Variants in URI1 observed in about 807,000 individuals in gnomAD.
URI1 encodes URI1 prefoldin like chaperone, also known as unconventional prefoldin RPB5 interactor 1.
URI1 carries 39 observed loss-of-function variants against 60.2 expected under a neutral mutation model. The observed-to-expected ratio is 0.65, with a 90% CI of 0.50 to 0.85. The LOEUF is 0.85. Among genes scored for constraint, URI1 ranks in the 40% least tolerant of loss-of-function variants. URI1 has a pLI of 0.00. For missense variants in URI1, 691 were observed against 665.9 expected (o/e 1.04, Z -0.42); for synonymous variants, 251 against 236.8 (o/e 1.06, Z -0.55).
chr19:29,942,294 GTC>G lies in URI1; in HGVS notation c.-251_-250del. On this transcript the variant is annotated 5_prime_UTR_variant, in exon 1 of 11. Coordinates refer to ENST00000392271, the MANE Select transcript of URI1 (RefSeq NM_003796.3). ...CTGGCTGGGCCCGCACCGGAGAGGC[GTC>G]TCGGTACCTGGCAGGCGGCCTGCTA... The G allele has an allele frequency of 1.0e-6, 1 of 985,272 alleles. No individual in the cohort carries two copies. The allele number at this position is 985,272 out of a possible 1,614,324, so 61.0% of individuals were successfully genotyped here.
chr19:29,985,253 T>C lies in URI1; in HGVS notation c.183T>C (p.Leu61=), dbSNP rs1384012736. The stretch of plus-strand genomic sequence containing the variant: ...AGGTAGATAATGACTATAATGCCCT[T>C]CGAGAAAGACTCAGCACCTTGCCTG... ...WKKVDNDYNA[L]RERLSTLPDK... Residue 61 remains leucine, a synonymous_variant, in exon 3 of 11, where the codon CTT becomes CTC. Transcript: ENST00000392271. The C allele has an allele frequency of 1.2e-6, 2 of 1,601,908 alleles. No homozygotes were observed. Among genetic ancestry groups the C allele is most frequent in the Non-Finnish European group, 1.7e-6 (2 of 1,173,440 alleles).
chr19:30,007,429 G>A (rs1331922869), intron 6 of URI1, 41 bp from the exon 7 acceptor site: 2 of 1,594,500 alleles, frequency 1.3e-6, no homozygotes, highest in East Asian at 2.3e-5. Flanking sequence ...CCTTTTTTAT[G>A]TTGGCTATTA....
At chr19:29,968,347 A>C (rs1019438062) in intron 1 of URI1, among the ~76,000 whole-genome samples, 1 of 152,064 alleles carries the variant, frequency 6.6e-6, no homozygotes, top group African/African-American at 2.4e-5. Flanking sequence ...CAAAGTAATG[A>C]AATGTTTTTG....
chr19:29,999,058 T>C (rs908346943), intron 4 of URI1, among the ~76,000 whole-genome samples: 2 of 152,168 alleles, frequency 1.3e-5, no homozygotes, highest in Non-Finnish European at 2.9e-5. Flanking sequence ...TTAACTTCAA[T>C]CACATACAGA....
chr19:29,955,167 T>C (rs1442508618), intron 1 of URI1, among the ~76,000 whole-genome samples: 4 of 151,614 alleles, frequency 2.6e-5, no homozygotes, highest in Non-Finnish European at 4.4e-5. Context: ...GGTTTCACTG[T>C]GTTAGCCAGG....
chr19:29,978,643 G>A (rs1312836380), intron 2 of URI1, among the ~76,000 whole-genome samples: 3 of 152,080 alleles, frequency 2.0e-5, no homozygotes, highest in Admixed American at 2.0e-4. Flanking sequence ...TTCTTATTTT[G>A]AGAAATATAA....
chr19:29,927,187 G>C (rs1370683730), intron 1 of URI1, among the ~76,000 whole-genome samples: 1 of 152,026 alleles, frequency 6.6e-6, no homozygotes, highest in African/African-American at 2.4e-5. Context: ...AGTGGTAGCT[G>C]TGGTGGTCTT....
At chr19:29,929,810 A>T (rs1416168620) in intron 1 of URI1, among the ~76,000 whole-genome samples, 1 of 152,120 alleles carries the variant, frequency 6.6e-6, no homozygotes, top group Admixed American at 6.6e-5. Context: ...AAACTCCTAC[A>T]ACTCAATGAC....
chr19:29,930,635 T>C (rs952577951), intron 1 of URI1, among the ~76,000 whole-genome samples: 6 of 152,174 alleles, frequency 3.9e-5, no homozygotes, highest in Non-Finnish European at 7.3e-5. Context: ...GAGGGTTTAT[T>C]TTCTGGGCTC....
intron 4 of URI1, among the ~76,000 whole-genome samples, chr19:29,987,018 T>C (rs1225465023): frequency 6.6e-6 from 1 of 152,202 alleles, no homozygotes. Flanking sequence ...TGCTATTATC[T>C]GTAGGTGTAT....
intron 4 of URI1, among the ~76,000 whole-genome samples, chr19:29,999,514 T>G (rs143491609): frequency 6.6e-6 from 1 of 152,128 alleles, no homozygotes; most frequent in African/African-American, 2.4e-5. Context: ...TAACCTTCTG[T>G]GCTTCAGGGT....
chr19:30,005,028 A>G (rs169351), intron 4 of URI1, among the ~76,000 whole-genome samples: 145,499 of 152,108 alleles, frequency 0.96, 69,608 homozygotes, highest in East Asian at 1. Flanking sequence ...CAAAACTGTT[A>G]TGAAATACTG....
At chr19:30,009,929 G>A (rs2055996838) in intron 8 of URI1, among the ~76,000 whole-genome samples, 1 of 152,256 alleles carries the variant, frequency 6.6e-6, no homozygotes, top group South Asian at 2.1e-4. Flanking sequence ...CTTTTCTCTA[G>A]TATGAAAAGC....
intron 1 of URI1, among the ~76,000 whole-genome samples, chr19:29,924,187 T>A (rs2054846057): frequency 6.6e-6 from 1 of 152,148 alleles, no homozygotes; most frequent in South Asian, 2.1e-4. Flanking sequence ...GGTCTACTGA[T>A]TCGAGTACCA....
At chr19:29,959,532 C>T (rs1397429588) in intron 1 of URI1, among the ~76,000 whole-genome samples, 1 of 152,180 alleles carries the variant, frequency 6.6e-6, no homozygotes, top group Non-Finnish European at 1.5e-5. Flanking sequence ...GATACGACCT[C>T]AATTTCTTTG....
chr19:29,970,121 CGTGT>C (rs1568423095), intron 1 of URI1, among the ~76,000 whole-genome samples: 2 of 121,582 alleles, frequency 1.6e-5, no homozygotes, highest in Non-Finnish European at 3.4e-5. Flanking sequence ...TAAAAAAAAT[CGTGT>C]GTATTTTTTT....
chr19:29,986,164 T>G, intron 3 of URI1, 118 bp from the exon 4 acceptor site: 1 of 1,005,184 alleles, frequency 9.9e-7, no homozygotes, highest in South Asian at 2.5e-5. Flanking sequence ...ATTTTATTTT[T>G]CCCAATGTAT....
intron 7 of URI1, among the ~76,000 whole-genome samples, chr19:30,008,376 T>C (rs2055971210): frequency 6.6e-6 from 1 of 152,168 alleles, no homozygotes. Flanking sequence ...CTAATACTAT[T>C]CATTTTTTAA....
At chr19:30,010,008 T>A (rs2055997628) in intron 8 of URI1, among the ~76,000 whole-genome samples, 1 of 152,168 alleles carries the variant, frequency 6.6e-6, no homozygotes, top group Non-Finnish European at 1.5e-5. Context: ...TTGGCTCTGA[T>A]TGAAGGAAGG....
Sources: allele counts gnomAD v4.1 joint callset (sites outside exome capture counted in the v4.1 genomes callset), GRCh38; gene constraint gnomAD v4.1.1; transcripts MANE v1.5; gene names NCBI Gene and HGNC (gene_info 2026-07-23, HGNC 2026-07-21).